MLIP: variants seen among roughly 807,000 people sequenced by gnomAD.
MLIP encodes the protein muscular LMNA-interacting protein.
A neutral mutation model predicts 84.8 loss-of-function variants in MLIP; 79 were observed. That is an observed-to-expected ratio of 0.93 (90% CI 0.78 to 1.12). MLIP has a LOEUF of 1.12. Among genes scored for constraint, MLIP ranks in the 50% most tolerant of loss-of-function variants. The pLI is 0.00. For synonymous variants in MLIP, 504 were observed against 463.0 expected, an observed-to-expected ratio of 1.09 and a Z score of -1.14; for missense variants, 1,257 against 1,160.6, an observed-to-expected ratio of 1.08 and a Z score of -1.21.
intron 3 of MLIP, among the ~76,000 whole-genome samples, chr6:54,135,020 A>G (rs1469719511): frequency 1.3e-5 from 2 of 152,106 alleles, no homozygotes; most frequent in African/African-American, 2.4e-5. Flanking sequence ...TATTTACCCT[A>G]AAAGAACAAT....
At chr6:54,227,891 T>A (rs1262539116) in intron 11 of MLIP, among the ~76,000 whole-genome samples, 1 of 151,708 alleles carries the variant, frequency 6.6e-6, no homozygotes, top group African/African-American at 2.4e-5. Flanking sequence ...CTATTAGAAA[T>A]AGGAGATCCA....
chr6:54,264,673 C>A (rs111723994), intron 13 of MLIP, among the ~76,000 whole-genome samples: 1 of 151,924 alleles, frequency 6.6e-6, no homozygotes, highest in African/African-American at 2.4e-5. Context: ...CATGTTGGTG[C>A]TTTCAGAAAA....
chr6:54,035,747 G>A (rs1041734578), intron 1 of MLIP, among the ~76,000 whole-genome samples: 1 of 151,818 alleles, frequency 6.6e-6, no homozygotes, highest in Non-Finnish European at 1.5e-5. Flanking sequence ...GTACTTATTT[G>A]CCATATGTAT....
Position 54,266,006 on chromosome 6 carries a change from G to A in MLIP, c.*51G>A, listed in dbSNP as rs1332706275. 5.0e-6 allele frequency: 8 copies of A among 1,595,232 alleles called. 1 individual carries two copies. Among genetic ancestry groups the A allele is most frequent in the South Asian group, 2.3e-5 (2 of 88,662 alleles). On this transcript the variant is annotated 3_prime_UTR_variant, in exon 14 of 14. Transcript: ENST00000502396. The stretch of plus-strand genomic sequence containing the variant: ...GGCTGCTGAAGTTTTTTGGAATGCT[G>A]GTGCTAACCACTTGCTAGATTTAAC...
At chr6:54,120,983 C>T (rs1197607685) in intron 1 of MLIP, among the ~76,000 whole-genome samples, 1 of 152,108 alleles carries the variant, frequency 6.6e-6, no homozygotes, top group Non-Finnish European at 1.5e-5. Flanking sequence ...GGCATACTTT[C>T]AACTTTAAAT....
intron 9 of MLIP, among the ~76,000 whole-genome samples, chr6:54,178,865 A>T (rs750833573): frequency 6.6e-5 from 10 of 152,130 alleles, no homozygotes; most frequent in Non-Finnish European, 1.3e-4. Context: ...GTGTTGAAGC[A>T]TGTATAGCTG....
At chr6:54,235,476 C>A (rs1427271913) in intron 12 of MLIP, among the ~76,000 whole-genome samples, 1 of 152,134 alleles carries the variant, frequency 6.6e-6, no homozygotes, top group African/African-American at 2.4e-5. Context: ...TGTGCCAAGG[C>A]ATCTCATGCA....
At chr6:54,183,351 C>G (rs1005359850) in intron 9 of MLIP, among the ~76,000 whole-genome samples, 1 of 152,178 alleles carries the variant, frequency 6.6e-6, no homozygotes, top group African/African-American at 2.4e-5. Flanking sequence ...CTGATCATTA[C>G]TTATTTCATT....
intron 9 of MLIP, among the ~76,000 whole-genome samples, chr6:54,172,176 G>A (rs558098636): frequency 4.0e-5 from 6 of 151,710 alleles, no homozygotes; most frequent in Non-Finnish European, 8.9e-5. Context: ...AAAGTATAAT[G>A]TATCTGATTA....
upstream of MLIP, among the ~76,000 whole-genome samples, chr6:54,110,562 T>C (rs1219283282): frequency 6.6e-6 from 1 of 152,242 alleles, no homozygotes; most frequent in African/African-American, 2.4e-5. Flanking sequence ...TTACTCATTA[T>C]GTTTCCATAA....
chr6:54,162,259 A>T (rs985317780), intron 8 of MLIP, among the ~76,000 whole-genome samples: 1 of 152,032 alleles, frequency 6.6e-6, no homozygotes, highest in Non-Finnish European at 1.5e-5. Context: ...TTGATCAGGA[A>T]TAATAGCTTT....
chr6:54,213,586 C>T (rs1779611662), intron 11 of MLIP, among the ~76,000 whole-genome samples: 1 of 151,694 alleles, frequency 6.6e-6, no homozygotes, highest in South Asian at 2.1e-4. Flanking sequence ...CCTGTAATCC[C>T]AGCTACTTGG....
At chr6:54,183,541 C>A (rs1777092943) in intron 9 of MLIP, among the ~76,000 whole-genome samples, 1 of 151,862 alleles carries the variant, frequency 6.6e-6, no homozygotes, top group Non-Finnish European at 1.5e-5. Context: ...CCTATTTGTA[C>A]ATATAAACTA....
intron 1 of MLIP, among the ~76,000 whole-genome samples, chr6:54,096,711 A>G (rs1175715378): frequency 6.6e-6 from 1 of 151,970 alleles, no homozygotes; most frequent in Admixed American, 6.6e-5. Flanking sequence ...ACTTCCCACC[A>G]GCTGCTCTCT....
chr6:54,122,293 T>C (rs1201072151), intron 2 of MLIP, among the ~76,000 whole-genome samples: 2 of 152,180 alleles, frequency 1.3e-5, no homozygotes, highest in African/African-American at 4.8e-5. Context: ...GATAATTCCA[T>C]GGAAAATGTT....
upstream of MLIP, among the ~76,000 whole-genome samples, chr6:54,109,750 C>G (rs1252013183): frequency 6.6e-6 from 1 of 151,966 alleles, no homozygotes; most frequent in Non-Finnish European, 1.5e-5. Flanking sequence ...GGGTGTGGCT[C>G]CCAGGGCATC....
intron 8 of MLIP, among the ~76,000 whole-genome samples, chr6:54,166,319 G>A (rs1191873056): frequency 6.6e-6 from 1 of 151,836 alleles, no homozygotes; most frequent in Non-Finnish European, 1.5e-5. Flanking sequence ...TTGTGATGGG[G>A]ATGAATTTGA....
chr6:54,163,385 G>A (rs2150571617), intron 8 of MLIP, among the ~76,000 whole-genome samples: 1 of 151,600 alleles, frequency 6.6e-6, no homozygotes, highest in Non-Finnish European at 1.5e-5. Flanking sequence ...TTATGTTAGG[G>A]TGAATTTTTG....
chr6:54,192,463 G>T (rs1562040907), intron 10 of MLIP, among the ~76,000 whole-genome samples: 1 of 151,850 alleles, frequency 6.6e-6, no homozygotes, highest in East Asian at 1.9e-4. Context: ...CTTCACTAAG[G>T]AATTAGAATA....
Sources: allele counts gnomAD v4.1 joint callset (sites outside exome capture counted in the v4.1 genomes callset), GRCh38; gene constraint gnomAD v4.1.1; transcripts MANE v1.5; gene names NCBI Gene and HGNC (gene_info 2026-07-23, HGNC 2026-07-21).